HSPG2: variants seen among roughly 807,000 people sequenced by gnomAD.
HSPG2 encodes the protein basement membrane-specific heparan sulfate proteoglycan core protein.
In HSPG2, 278 loss-of-function variants were observed where a neutral mutation model predicts 526.6. That is an observed-to-expected ratio of 0.53 (90% CI 0.48 to 0.58). The LOEUF is 0.58. Among genes scored for constraint, HSPG2 ranks in the 20% least tolerant of loss-of-function variants. The probability of loss-of-function intolerance (pLI) is 0.00; values close to 1 mark genes in which losing one functional copy is unlikely to be tolerated. For synonymous variants in HSPG2, 2,465 were observed against 2,555.4 expected, an observed-to-expected ratio of 0.96 and a Z score of 1.07; for missense variants, 5,354 against 6,099.5, an observed-to-expected ratio of 0.88 and a Z score of 4.07.
intron 29 of HSPG2, 147 bp downstream of exon 29, chr1:21,873,778 G>T (rs1640837880): frequency 1.5e-6 from 1 of 683,584 alleles, no homozygotes; most frequent in Non-Finnish European, 2.5e-6. Flanking sequence ...TCCCGAGGAG[G>T]GGAGCTGACT....
intron 74 of HSPG2, among the ~76,000 whole-genome samples, chr1:21,837,688 C>T (rs1028865090): frequency 4.0e-5 from 6 of 149,026 alleles, no homozygotes; most frequent in African/African-American, 1.6e-4. Flanking sequence ...CCTACACATG[C>T]AGGGGACAGA....
intron 91 of HSPG2, 38 bp downstream of exon 91, chr1:21,827,825 G>A: frequency 6.4e-7 from 1 of 1,557,842 alleles, no homozygotes; most frequent in South Asian, 1.2e-5. Context: ...AGAGTGAGCT[G>A]AGCTGAAGCT....
At chr1:21,884,958 G>C (rs1397608052) in intron 11 of HSPG2, 40 bp from the exon 12 acceptor site, 1 of 1,613,956 alleles carries the variant, frequency 6.2e-7, no homozygotes, top group Non-Finnish European at 8.5e-7. Context: ...CTGGCCTAGG[G>C]CTCTGGACCA....
In HSPG2 at chr1:21,855,386, G is replaced by A. The variant is rs1238848266; in HGVS notation, c.5915C>T (p.Thr1972Ile). 1.9e-6 allele frequency: 3 copies of A among 1,612,956 alleles called. No individual in the cohort carries two copies. Among genetic ancestry groups the A allele is most frequent in the South Asian group, 2.2e-5 (2 of 90,810 alleles). The change falls in exon 47 of 97, where the codon ACC becomes ATC. Residue 1972 changes from threonine to isoleucine, a missense_variant. Physicochemically the swap from Thr to Ile is moderately conservative, Grantham distance 89. Transcript: ENST00000374695. Reference sequence around the variant, plus strand: ...TGCAGCCCTGCAGTACAGCCTGACGGTGCGGCCTGCGTGGACCTGGGTCCT... The same window carrying A: ...TGCAGCCCTGCAGTACAGCCTGACGATGCGGCCTGCGTGGACCTGGGTCCT... ...PERTQVHAGR[T>I]VRLYCRAAGV...
At chr1:21,889,924 T>G (rs1274478397) in intron 6 of HSPG2, 57 bp downstream of exon 6, 3 of 1,597,840 alleles carry the variant, frequency 1.9e-6, no homozygotes, top group Admixed American at 3.3e-5. Context: ...GCAGAGACAC[T>G]GAAAGGGGAC....
At chr1:21,905,458 C>T (rs1643332857) in intron 1 of HSPG2, among the ~76,000 whole-genome samples, 1 of 152,120 alleles carries the variant, frequency 6.6e-6, no homozygotes, top group Admixed American at 6.5e-5. Flanking sequence ...CACCTTTCAG[C>T]CGCGCATGGT....
chr1:21,925,898 T>TGGCTCACTGCAGCCTC (rs1644178019), intron 1 of HSPG2, among the ~76,000 whole-genome samples: 2 of 151,880 alleles, frequency 1.3e-5, no homozygotes, highest in South Asian at 4.2e-4. Flanking sequence ...GAGACAGTCT[T>TGGCTCACTGCAGCCTC]GGCTCACTGC....
At chr1:21,891,962 T>C (rs1486477580) in intron 3 of HSPG2, among the ~76,000 whole-genome samples, 1 of 152,240 alleles carries the variant, frequency 6.6e-6, no homozygotes, top group Non-Finnish European at 1.5e-5. Context: ...ATGTATGTGA[T>C]AGATATGAAT....
intron 25 of HSPG2, 134 bp downstream of exon 25, chr1:21,875,495 C>T: frequency 2.7e-6 from 2 of 749,148 alleles, no homozygotes; most frequent in East Asian, 5.3e-5. Flanking sequence ...ATTGTTAAGA[C>T]TCTCCGTTTT....
chr1:21,838,243 G>C (rs2098035042), intron 74 of HSPG2, among the ~76,000 whole-genome samples: 1 of 152,144 alleles, frequency 6.6e-6, no homozygotes, highest in Middle Eastern at 3.2e-3. Context: ...TTGAACCCAG[G>C]TCTGAGTCCA....
chr1:21,831,809 G>A lies in HSPG2; in HGVS notation c.11208-13C>T. The A allele has an allele frequency of 1.3e-6, 2 of 1,588,572 alleles. No homozygotes were observed. Among genetic ancestry groups the A allele is most frequent in the South Asian group, 1.1e-5 (1 of 87,140 alleles). On this transcript the variant is annotated splice_polypyrimidine_tract_variant and intron_variant, in intron 81 of 96. Transcript: ENST00000374695. Reference sequence around the variant, plus strand: ...GCCTGCATCGAACCTGCTCCGTGGGGCAGGCCGGGGCAGGAGAGAGTGGAT... The same window carrying A: ...GCCTGCATCGAACCTGCTCCGTGGGACAGGCCGGGGCAGGAGAGAGTGGAT...
At position 21,830,909 on chromosome 1, in the gene HSPG2, G is replaced by A. The variant is rs1395837907; in HGVS notation, c.11671+73C>T. 3.1e-6 allele frequency: 3 copies of A among 972,240 alleles called. No individual in the cohort carries two copies. The African/African-American group carries it at 4.8e-5, about 16-fold the overall frequency. The allele number at this position is 972,240 out of a possible 1,614,324, so 60.2% of individuals were successfully genotyped here. ...GAAGTGCCCCAGTGGTTGAGATGGT[G>A]GTGGATATGGGGAGGCAGCAAAGGG... On this transcript the variant is annotated intron_variant, in intron 85 of 96. Coordinates refer to ENST00000374695, the MANE Select transcript of HSPG2 (RefSeq NM_005529.7).
At chr1:21,937,040 TC>T in intron 1 of HSPG2, 114 bp downstream of exon 1, 1 of 286,572 alleles carries the variant, frequency 3.5e-6, no homozygotes, top group Non-Finnish European at 5.3e-6. Flanking sequence ...CGGGCCAGAG[TC>T]CCCGCCGCGC....
chr1:21,869,333 T>C (rs1021333837), intron 33 of HSPG2: 15 of 471,930 alleles, frequency 3.2e-5, no homozygotes, highest in Non-Finnish European at 4.2e-5. Context: ...TGGTACATGA[T>C]TGATTTAAGA....
rs1014274490 is a variant in HSPG2, at chr1:21,859,298, T to G, written c.5293+268A>C. On this transcript the variant is annotated intron_variant, in intron 42 of 96. Transcript: ENST00000374695. The surrounding 1 kb of genome is among the most constrained non-coding windows in gnomAD (Gnocchi z 5.3). ...TCCTGACCTCATGATCTGCCCACCT[T>G]GGCCTCCCAAAGTGTTGGGATTATA... Among the ~76,000 whole-genome samples, 1 of 152,186 alleles carries G rather than the reference T, an allele frequency of 6.6e-6. No individual in the cohort carries two copies. Among genetic ancestry groups the G allele is most frequent in the Middle Eastern group, 3.4e-3 (1 of 294 alleles).
Position 21,925,660 on chromosome 1 carries a change from T to C in HSPG2, c.63+11495A>G, listed in dbSNP as rs577601881. Among the ~76,000 whole-genome samples, 14 of 152,262 alleles carry C rather than the reference T, an allele frequency of 9.2e-5. No homozygotes were observed. The South Asian group carries it at 2.9e-3, about 32-fold the overall frequency. The stretch of plus-strand genomic sequence containing the variant: ...GTGAAGCAGGAACTGGCAAAGCCCA[T>C]GTGGCAGACATGCAGCCTCCTATAA... On this transcript the variant is annotated intron_variant, in intron 1 of 96. Transcript: ENST00000374695.
At chr1:21,907,742 G>C (rs1042281699) in intron 1 of HSPG2, among the ~76,000 whole-genome samples, 3 of 152,136 alleles carry the variant, frequency 2.0e-5, no homozygotes, top group Non-Finnish European at 4.4e-5. Flanking sequence ...TCGAACTCCT[G>C]GTTTCAAGCG....
At chr1:21,925,079 C>T (rs974495871) in intron 1 of HSPG2, among the ~76,000 whole-genome samples, 4 of 152,206 alleles carry the variant, frequency 2.6e-5, no homozygotes, top group Non-Finnish European at 2.9e-5. Flanking sequence ...GGTCTGGTGA[C>T]GCTGAAGGCA....
intron 39 of HSPG2, among the ~76,000 whole-genome samples, 161 bp from the exon 40 acceptor site, chr1:21,860,396 G>T (rs1435578350): frequency 6.6e-6 from 1 of 152,234 alleles, no homozygotes; most frequent in African/African-American, 2.4e-5. Context: ...AACGCAGGGT[G>T]CTGGTGAACT....
Sources: gnomAD v4.1 joint callset for allele counts (sites outside exome capture counted in the v4.1 genomes callset) on GRCh38, gnomAD v4.1.1 for gene constraint, Gnocchi (gnomAD v3.1) non-coding constraint, MANE v1.5 for transcripts, NCBI Gene and HGNC (gene_info 2026-07-23, HGNC 2026-07-21) for gene names.